The following UBE3C variants were observed in gnomAD, a reference collection of about 807,000 sequenced individuals.
The protein encoded by UBE3C is ubiquitin protein ligase E3C, also known as ubiquitin-protein ligase E3C.
UBE3C carries 42 observed loss-of-function variants against 129.4 expected under a neutral mutation model. That is an observed-to-expected ratio of 0.32 (90% CI 0.25 to 0.42). The LOEUF (loss-of-function observed/expected upper bound fraction) is 0.42, where lower values mean the gene tolerates loss of function less well. Among genes scored for constraint, UBE3C ranks in the 10% least tolerant of loss-of-function variants. The probability of loss-of-function intolerance (pLI) is 1.00; values close to 1 mark genes in which losing one functional copy is unlikely to be tolerated. For missense variants in UBE3C, 1,049 were observed against 1,319.1 expected, an observed-to-expected ratio of 0.80 and a Z score of 3.17; for synonymous variants, 510 against 492.4, an observed-to-expected ratio of 1.04 and a Z score of -0.47.
At chr7:157,223,378 A>C in intron 16 of UBE3C, 27 bp downstream of exon 16, 1 of 1,580,370 alleles carries the variant, frequency 6.3e-7, no homozygotes, top group South Asian at 1.1e-5. Context: ...CTTTATTGTC[A>C]CTACGTATCA....
chr7:157,185,792 G>C (rs10246072), intron 9 of UBE3C, among the ~76,000 whole-genome samples: 25,588 of 151,968 alleles, frequency 0.17, 2,424 homozygotes, highest in East Asian at 0.35. Flanking sequence ...TCATTCTGAT[G>C]TACTTTTGTT....
At chr7:157,254,645 C>G (rs955780784) in intron 21 of UBE3C, among the ~76,000 whole-genome samples, 17 of 151,914 alleles carry the variant, frequency 1.1e-4, no homozygotes, top group African/African-American at 3.9e-4. Flanking sequence ...TGATCCACCC[C>G]CCTCAGCCTC....
At chr7:157,158,267 C>T (rs1338995181) in intron 1 of UBE3C, among the ~76,000 whole-genome samples, 1 of 152,000 alleles carries the variant, frequency 6.6e-6, no homozygotes, top group African/African-American at 2.4e-5. Flanking sequence ...TTTTGAAAAC[C>T]AGTTTTTCAT....
intron 4 of UBE3C, among the ~76,000 whole-genome samples, chr7:157,172,963 A>G (rs1338917500): frequency 1.3e-5 from 2 of 152,242 alleles, no homozygotes; most frequent in Non-Finnish European, 1.5e-5. Flanking sequence ...AAAAGCTTGG[A>G]GGTAAATGAA....
chr7:157,146,442 C>T (rs754980184), intron 1 of UBE3C, among the ~76,000 whole-genome samples: 5 of 151,804 alleles, frequency 3.3e-5, no homozygotes, highest in South Asian at 2.1e-4. Flanking sequence ...AGGCTGGTCT[C>T]GAACTCCTGA....
intron 10 of UBE3C, among the ~76,000 whole-genome samples, chr7:157,200,604 T>C (rs1048753848): frequency 9.2e-5 from 14 of 152,346 alleles, no homozygotes; most frequent in Middle Eastern, 6.8e-3. Context: ...TTTTTAAATC[T>C]AATATTATAG....
intron 11 of UBE3C, among the ~76,000 whole-genome samples, chr7:157,205,808 A>G (rs1809417534): frequency 6.6e-6 from 1 of 152,184 alleles, no homozygotes; most frequent in South Asian, 2.1e-4. Flanking sequence ...CTCTGTGGGA[A>G]CACAGTTTCA....
At position 157,201,721 on chromosome 7, in the gene UBE3C, G is replaced by A. The variant is rs779276507; in HGVS notation, c.1332G>A (p.Arg444=). ...VQHRMMVPKV[R]LLYSLAFNAR... is the part of the protein sequence containing the mutation. Reference sequence around the variant, plus strand: ...GTGTTTTTCTCCTATTCCTTTTTAGGCTTCTCTACAGTTTAGCCTTTAATG... The same window carrying A: ...GTGTTTTTCTCCTATTCCTTTTTAGACTTCTCTACAGTTTAGCCTTTAATG... The change falls in exon 11 of 23, where the codon AGG becomes AGA. Residue 444 remains arginine, a splice_region_variant and synonymous_variant. Transcript: ENST00000348165. 5 of 1,521,316 alleles carry A rather than the reference G, an allele frequency of 3.3e-6. No individual in the cohort carries two copies. 94.2% of individuals were successfully genotyped at this position (1,521,316 alleles called of 1,614,324 possible). A position where few individuals can be genotyped will look rare whatever the true frequency, so the allele number is the denominator to read the frequency against.
intron 1 of UBE3C, among the ~76,000 whole-genome samples, chr7:157,156,284 C>T (rs1215157706): frequency 6.6e-6 from 1 of 150,806 alleles, no homozygotes; most frequent in Non-Finnish European, 1.5e-5. Flanking sequence ...CACCTCCACT[C>T]CTCACACCCC....
chr7:157,220,766 C>T lies in UBE3C; in HGVS notation c.1992C>T (p.Ser664=). ...TGGGGAGGATAGGCCCGCTGCAGTC[C>T]ACCCTGGACGGTGAGTTCTCTAGGA... ...RRMGRIGPLQ[S]TLDVGLESPP... The change falls in exon 15 of 23, where the codon TCC becomes TCT. Residue 664 remains serine (S), a synonymous_variant. Coordinates refer to ENST00000348165, the MANE Select transcript of UBE3C (RefSeq NM_014671.3). 2 of 1,614,140 alleles carry T rather than the reference C, an allele frequency of 1.2e-6. No homozygotes were observed. Among genetic ancestry groups the T allele is most frequent in the African/African-American group, 1.3e-5 (1 of 75,056 alleles).
In UBE3C at chr7:157,195,671, C is replaced by T. The variant is rs565098947; in HGVS notation, c.1332-6050C>T. On this transcript the variant is annotated intron_variant, in intron 10 of 22. Coordinates refer to ENST00000348165, the MANE Select transcript of UBE3C (RefSeq NM_014671.3). ...GCACAGATGGAGGAGAATTATGCCC[C>T]AGAAATCACACCCAGATCCTCTCCC... is the stretch of plus-strand genomic sequence containing the variant. Among the ~76,000 whole-genome samples the T allele has an allele frequency of 2.0e-5, 3 of 152,282 alleles. No homozygotes were observed. In the South Asian group the frequency reaches 6.2e-4, roughly 32 times the overall value.
chr7:157,231,280 G>T lies in UBE3C; in HGVS notation c.2434G>T (p.Asp812Tyr). 1.2e-6 allele frequency: 2 copies of T among 1,614,168 alleles called. No homozygotes were observed. The highest frequency in any genetic ancestry group is 1.7e-6 in the Non-Finnish European group (2 of 1,180,040). ...CCCGGCTGCTCAGATGCTTGTGGGA[G>T]ATTCTTTTGCCAGACATTACTACTT... ...PNPAAQMLVG[D>Y]SFARHYYFLG... is the part of the protein sequence containing the mutation. The change falls in exon 18 of 23, where the codon GAT becomes TAT. Residue 812 changes from aspartate to tyrosine, a missense_variant. Physicochemically the swap from Asp to Tyr is radical, Grantham distance 160. Transcript: ENST00000348165.
chr7:157,187,263 G>A (rs1489572245), intron 10 of UBE3C, among the ~76,000 whole-genome samples: 1 of 152,048 alleles, frequency 6.6e-6, no homozygotes, highest in Non-Finnish European at 1.5e-5. Flanking sequence ...ATTTTCTGTA[G>A]TACCTTATGA....
intron 13 of UBE3C, among the ~76,000 whole-genome samples, chr7:157,216,138 A>G (rs1586695173): frequency 6.6e-6 from 1 of 152,328 alleles, no homozygotes; most frequent in East Asian, 1.9e-4. Flanking sequence ...ATCTGACTCC[A>G]TTTGCTTACG....
intron 19 of UBE3C, among the ~76,000 whole-genome samples, chr7:157,249,848 A>C (rs936072674): frequency 6.6e-6 from 1 of 152,196 alleles, no homozygotes; most frequent in Non-Finnish European, 1.5e-5. Flanking sequence ...ATTTGCTTCA[A>C]ATACACTCTG....
intron 13 of UBE3C, among the ~76,000 whole-genome samples, chr7:157,211,191 A>AGAGAGAGAGAGAGAGC (rs1481725592): frequency 3.5e-4 from 53 of 151,704 alleles, no homozygotes; most frequent in Non-Finnish European, 6.8e-4. Flanking sequence ...AGAGAGAGAG[A>AGAGAGAGAGAGAGAGC]GAGCCATACT....
At chr7:157,214,171 CAT>C (rs542422486) in intron 13 of UBE3C, among the ~76,000 whole-genome samples, 15 of 151,996 alleles carry the variant, frequency 9.9e-5, no homozygotes, top group African/African-American at 2.2e-4. Context: ...ATATTGGTAA[CAT>C]GTGATTACTT....
At position 157,186,974 on chromosome 7, in the gene UBE3C, C is replaced by G. The variant is rs1475670857; in HGVS notation, c.1284C>G (p.Val428=). The part of the protein sequence containing the change: ...SEEVFTTMAS[V]CHTLMVQHRM... ...AGGTCTTCACCACCATGGCCTCCGT[C>G]TGCCACACGCTGATGGTGCAGCACC... Residue 428 remains valine (V), a synonymous_variant, in exon 10 of 23, where the codon GTC becomes GTG. Transcript: ENST00000348165. 9.9e-6 allele frequency: 16 copies of G among 1,612,052 alleles called. No homozygotes were observed. The highest frequency in any genetic ancestry group is 1.2e-5 in the Non-Finnish European group (14 of 1,179,156).
At chr7:157,153,341 A>G (rs143041390) in intron 1 of UBE3C, among the ~76,000 whole-genome samples, 7 of 152,274 alleles carry the variant, frequency 4.6e-5, no homozygotes, top group African/African-American at 1.7e-4. Flanking sequence ...ACGAAATTTT[A>G]GAAAGTGTAA....
Sources: gnomAD v4.1 joint callset for allele counts (sites outside exome capture counted in the v4.1 genomes callset) on GRCh38, gnomAD v4.1.1 for gene constraint, MANE v1.5 for transcripts, NCBI Gene and HGNC (gene_info 2026-07-23, HGNC 2026-07-21) for gene names.